The following CSNK2A1 variants were observed in gnomAD, a reference collection of about 807,000 sequenced individuals.
CSNK2A1 encodes casein kinase 2 alpha 1.
In CSNK2A1, 10 loss-of-function variants were observed where a neutral mutation model predicts 62.9. The ratio of observed to expected loss-of-function variants is 0.16; its 90% confidence interval spans 0.10 to 0.27. The LOEUF (loss-of-function observed/expected upper bound fraction) is 0.27, where lower values mean the gene tolerates loss of function less well. Among genes scored for constraint, CSNK2A1 ranks in the 10% least tolerant of loss-of-function variants. The pLI, the probability that CSNK2A1 is intolerant of heterozygous loss-of-function variation, is 1.00. For missense variants in CSNK2A1, 160 were observed against 492.0 expected, an observed-to-expected ratio of 0.33 and a Z score of 6.38; for synonymous variants, 124 against 167.8, an observed-to-expected ratio of 0.74 and a Z score of 2.02.
At chr20:489,577 C>T (rs2018173903) in intron 10 of CSNK2A1, 1 of 442,798 alleles carries the variant, frequency 2.3e-6, no homozygotes, top group East Asian at 3.1e-5. Flanking sequence ...TATATGTATT[C>T]TTCACAATAA....
In CSNK2A1 at chr20:498,026, C is replaced by G. The variant is rs1337495338; in HGVS notation, c.367-246G>C. ...GCTATAATCCACTGTCAGAAACATA[C>G]TGATCTAGATACGTTAATATGCACT... On this transcript the variant is annotated intron_variant, in intron 6 of 13. Transcript: ENST00000217244. 4 of 421,212 alleles carry G rather than the reference C, an allele frequency of 9.5e-6. No homozygotes were observed. In the East Asian group the frequency reaches 1.4e-4, roughly 15 times the overall value. The allele number at this position is 421,212 out of a possible 1,614,324, so 26.1% of individuals were successfully genotyped here.
At chr20:505,351 GTTTTTTT>G (rs746624346) in intron 3 of CSNK2A1, 122 bp from the exon 4 acceptor site, 40 of 236,132 alleles carry the variant, frequency 1.7e-4, no homozygotes, top group African/African-American at 5.9e-4. Context: ...TCCCAAATAG[GTTTTTTT>G]TTTTTTTTTT....
At chr20:491,454 C>T (rs1280969624) in intron 9 of CSNK2A1, among the ~76,000 whole-genome samples, 1 of 152,046 alleles carries the variant, frequency 6.6e-6, no homozygotes, top group Non-Finnish European at 1.5e-5. Context: ...ATGGGTTGTG[C>T]CCAGGAGTTT....
intron 1 of CSNK2A1, among the ~76,000 whole-genome samples, chr20:542,034 TACA>T (rs1187000133): frequency 1.3e-5 from 2 of 152,152 alleles, no homozygotes; most frequent in Admixed American, 6.5e-5. Flanking sequence ...AACAAAACCC[TACA>T]ACAACTACAA....
At chr20:538,749 T>G (rs868246565) in intron 1 of CSNK2A1, among the ~76,000 whole-genome samples, 1 of 152,074 alleles carries the variant, frequency 6.6e-6, no homozygotes, top group Admixed American at 6.6e-5. Flanking sequence ...TTCACAAAAA[T>G]GTATCACCCA....
At chr20:492,575 T>A (rs1209689584) in intron 8 of CSNK2A1, 1 of 549,016 alleles carries the variant, frequency 1.8e-6, no homozygotes, top group East Asian at 3.0e-5. Flanking sequence ...CAATCTCACC[T>A]GTGCTTTTAC....
At chr20:524,708 CAAAAAAAAAA>C (rs56228720) in intron 2 of CSNK2A1, among the ~76,000 whole-genome samples, 87 of 83,178 alleles carry the variant, frequency 1.0e-3, no homozygotes, top group Non-Finnish European at 1.8e-3. Flanking sequence ...GACTCCATCT[CAAAAAAAAAA>C]AAAAAAAAAA....
chr20:485,105 A>ATAATAATAATAAT (rs2018060075), intron 13 of CSNK2A1, among the ~76,000 whole-genome samples: 1 of 21,304 alleles, frequency 4.7e-5, no homozygotes, highest in African/African-American at 1.5e-4. Flanking sequence ...AAAAAAAAAA[A>ATAATAATAATAAT]AAAAATATAT....
In CSNK2A1 at chr20:487,590, G is replaced by A. The variant is rs763779729; in HGVS notation, c.825-15C>T. 4.3e-6 allele frequency: 7 copies of A among 1,614,180 alleles called. No individual in the cohort carries two copies. The highest frequency in any genetic ancestry group is 5.9e-6 in the Non-Finnish European group (7 of 1,180,018). On this transcript the variant is annotated splice_polypyrimidine_tract_variant and intron_variant, in intron 11 of 13. Transcript: ENST00000217244. ...TTCGAGAGTGTCTGCAGGACCAAAA[G>A]AGGGCATGAGAAATGGGCCACGTGG...
chr20:523,147 A>C lies in CSNK2A1; in HGVS notation c.-110+4786T>G, dbSNP rs191273140. 6.6e-5 allele frequency among the ~76,000 whole-genome samples: 10 copies of C among 152,340 alleles called. No homozygotes were observed. The East Asian group carries it at 1.9e-3, about 29-fold the overall frequency. ...AACTTGAAATGCTAAAGAGGATGAG[A>C]TGCTAGAGAAGATGAGGAAAAACTG... is the stretch of plus-strand genomic sequence containing the variant. On this transcript the variant is annotated intron_variant, in intron 2 of 13. Coordinates refer to ENST00000217244, the MANE Select transcript of CSNK2A1 (RefSeq NM_177559.3).
At chr20:507,347 T>C (rs749302334) in intron 3 of CSNK2A1, 12 of 152,210 alleles carry the variant, frequency 7.9e-5, no homozygotes, top group Non-Finnish European at 1.8e-4. Flanking sequence ...ACTAACCACT[T>C]ACAGGTTACA....
At chr20:511,703 TAC>T (rs61288887) in intron 2 of CSNK2A1, among the ~76,000 whole-genome samples, 11,863 of 150,756 alleles carry the variant, frequency 0.079, 526 homozygotes, top group South Asian at 0.19. Context: ...TGTATATATA[TAC>T]ACACACACAC....
At chr20:533,062 A>G (rs866475990) in intron 1 of CSNK2A1, among the ~76,000 whole-genome samples, 1 of 152,186 alleles carries the variant, frequency 6.6e-6, no homozygotes, top group South Asian at 2.1e-4. Flanking sequence ...CTCACCTATC[A>G]TACTAATGCC....
At chr20:504,896 C>T in intron 4 of CSNK2A1, 1 of 471,150 alleles carries the variant, frequency 2.1e-6, no homozygotes, top group Non-Finnish European at 3.7e-6. Context: ...CTTACTCTGC[C>T]ACAACCTAGC....
intron 2 of CSNK2A1, among the ~76,000 whole-genome samples, chr20:517,500 AGTCATG>A (rs1352178948): frequency 6.6e-6 from 1 of 152,226 alleles, no homozygotes; most frequent in Non-Finnish European, 1.5e-5. Context: ...GAAACAATTA[AGTCATG>A]GTGGTGTACA....
At chr20:519,749 T>G (rs2018906071) in intron 2 of CSNK2A1, among the ~76,000 whole-genome samples, 2 of 151,864 alleles carry the variant, frequency 1.3e-5, no homozygotes, top group South Asian at 4.2e-4. Flanking sequence ...AGAAAAATAA[T>G]CCCATTTTGG....
At chr20:524,637 G>A (rs2019033933) in intron 2 of CSNK2A1, among the ~76,000 whole-genome samples, 3 of 141,160 alleles carry the variant, frequency 2.1e-5, no homozygotes, top group Admixed American at 7.2e-5. Flanking sequence ...GGCTGAGGCT[G>A]GAGAATCGCT....
intron 2 of CSNK2A1, among the ~76,000 whole-genome samples, chr20:511,897 A>G (rs2018729341): frequency 6.6e-6 from 1 of 152,170 alleles, no homozygotes; most frequent in Non-Finnish European, 1.5e-5. Context: ...TGAACCATGT[A>G]GTAATTCTAT....
intron 8 of CSNK2A1, among the ~76,000 whole-genome samples, chr20:493,898 C>T (rs2018291535): frequency 1.3e-5 from 2 of 152,102 alleles, no homozygotes; most frequent in Non-Finnish European, 2.9e-5. Context: ...GAGATCCATC[C>T]AAGTTGTTGC....
Sources: allele counts gnomAD v4.1 joint callset (sites outside exome capture counted in the v4.1 genomes callset), GRCh38; gene constraint gnomAD v4.1.1; transcripts MANE v1.5; gene names NCBI Gene and HGNC (gene_info 2026-07-23, HGNC 2026-07-21).